The following LEPR variants were observed in gnomAD, a reference collection of about 807,000 sequenced individuals.
LEPR encodes the protein OB receptor.
Under a neutral mutation model 114.7 loss-of-function variants are expected in LEPR, and 56 were observed. The ratio of observed to expected loss-of-function variants is 0.49; its 90% CI spans 0.39 to 0.61. The LOEUF is 0.61. Among genes scored for constraint, LEPR ranks in the 20% least tolerant of loss-of-function variants. LEPR has a pLI of 0.00. For synonymous variants in LEPR, 443 were observed against 461.4 expected (o/e 0.96, Z 0.51); for missense variants, 1,202 against 1,352.9 (o/e 0.89, Z 1.75).
intron 1 of LEPR, 51 bp downstream of exon 1, chr1:65,420,791 G>A (rs763369619): frequency 1.9e-5 from 29 of 1,559,274 alleles, no homozygotes; most frequent in Non-Finnish European, 7.8e-6. Flanking sequence ...TGCCACCTCC[G>A]TTCCGGTCAA....
At chr1:65,609,579 A>G (rs1287309650) in intron 12 of LEPR, among the ~76,000 whole-genome samples, 1 of 152,232 alleles carries the variant, frequency 6.6e-6, no homozygotes, top group Non-Finnish European at 1.5e-5. Context: ...GCGATTTGCT[A>G]CAGTAGGTCC....
At position 65,420,701 on chromosome 1, in the gene LEPR, A is replaced by C; in HGVS notation, c.-136A>C. 1 of 1,577,284 alleles carries C rather than the reference A, an allele frequency of 6.3e-7. No individual in the cohort carries two copies. Among genetic ancestry groups the C allele is most frequent in the Non-Finnish European group, 8.6e-7 (1 of 1,163,856 alleles). The stretch of plus-strand genomic sequence containing the variant: ...CGGGCCGTGGCAGGAAGCCGGAAGC[A>C]GCCGCGGCCCCAGTTCGGGAGACAT... On this transcript the variant is annotated 5_prime_UTR_variant, in exon 1 of 20. Transcript: ENST00000349533.
At chr1:65,457,813 A>G (rs571154629) in intron 2 of LEPR, among the ~76,000 whole-genome samples, 1 of 152,284 alleles carries the variant, frequency 6.6e-6, no homozygotes, top group South Asian at 2.1e-4. Flanking sequence ...ACAGGCTACA[A>G]CAGAATCCAA....
At chr1:65,629,293 T>C (rs1239604285) in intron 19 of LEPR, 2 of 426,816 alleles carry the variant, frequency 4.7e-6, no homozygotes, top group East Asian at 8.0e-5. Context: ...CTCCCTCTAC[T>C]TTCCAATCTC....
chr1:65,423,433 A>G (rs533205331), intron 1 of LEPR, among the ~76,000 whole-genome samples: 20 of 152,332 alleles, frequency 1.3e-4, no homozygotes, highest in African/African-American at 4.6e-4. Context: ...AGAAACTGGT[A>G]TCAGAACAGA....
chr1:65,568,598 A>G (rs1172049632), intron 3 of LEPR, among the ~76,000 whole-genome samples: 4 of 151,878 alleles, frequency 2.6e-5, no homozygotes, highest in African/African-American at 4.8e-5. Flanking sequence ...GGTTGATTCC[A>G]TGACTTTGCT....
chr1:65,537,202 C>T (rs866500212), intron 2 of LEPR, among the ~76,000 whole-genome samples: 10 of 152,136 alleles, frequency 6.6e-5, no homozygotes. Context: ...TTCGTTGGCC[C>T]CTAGGACTTT....
intron 2 of LEPR, among the ~76,000 whole-genome samples, chr1:65,538,571 C>T (rs898217750): frequency 2.0e-5 from 3 of 152,178 alleles, no homozygotes; most frequent in Admixed American, 6.5e-5. Flanking sequence ...TTGTTTCTCT[C>T]GGATACTTCT....
chr1:65,613,375 G>T (rs2100980214), intron 14 of LEPR, among the ~76,000 whole-genome samples: 1 of 152,194 alleles, frequency 6.6e-6, no homozygotes, highest in Non-Finnish European at 1.5e-5. Context: ...AGGATGAAAA[G>T]TTAAGGCACA....
intron 19 of LEPR, among the ~76,000 whole-genome samples, chr1:65,631,529 G>A (rs184793870): frequency 4.5e-4 from 69 of 152,078 alleles, no homozygotes; most frequent in African/African-American, 1.7e-3. Context: ...CTTCTCATTA[G>A]CCCTCTCAGA....
At chr1:65,441,801 G>A (rs1372235508) in intron 2 of LEPR, among the ~76,000 whole-genome samples, 1 of 152,184 alleles carries the variant, frequency 6.6e-6, no homozygotes, top group Non-Finnish European at 1.5e-5. Context: ...GAGACCCTCT[G>A]GGGTGACAGC....
intron 2 of LEPR, among the ~76,000 whole-genome samples, chr1:65,533,281 T>C (rs1360874393): frequency 6.6e-6 from 1 of 152,140 alleles, no homozygotes; most frequent in East Asian, 1.9e-4. Flanking sequence ...TTCATTGTTA[T>C]AGACTCAAAA....
chr1:65,483,598 G>C (rs909770703), intron 2 of LEPR, among the ~76,000 whole-genome samples: 17 of 152,122 alleles, frequency 1.1e-4, no homozygotes, highest in Non-Finnish European at 2.4e-4. Flanking sequence ...TGCCCTACCA[G>C]GACTTGGTAT....
chr1:65,568,013 T>G (rs10158279), intron 3 of LEPR, among the ~76,000 whole-genome samples: 79,589 of 152,012 alleles, frequency 0.52, 21,507 homozygotes, highest in East Asian at 0.89. Flanking sequence ...ATCTGCAGCT[T>G]TAGAAACATA....
intron 2 of LEPR, among the ~76,000 whole-genome samples, chr1:65,455,334 A>G (rs1442433238): frequency 2.2e-4 from 33 of 152,300 alleles, no homozygotes; most frequent in South Asian, 6.2e-4. Flanking sequence ...GAAGAACTGC[A>G]TTCCTTTGGA....
At position 65,432,529 on chromosome 1, in the gene LEPR, C is replaced by T. The variant is rs1045573447; in HGVS notation, c.-21+7151C>T. 3 of 783,104 alleles carry T rather than the reference C, an allele frequency of 3.8e-6. No individual in the cohort carries two copies. The African/African-American group carries it at 5.7e-5, about 15-fold the overall frequency. The allele number at this position is 783,104 out of a possible 1,614,324, so 48.5% of individuals were successfully genotyped here. A position where few individuals can be genotyped will look rare whatever the true frequency, so the allele number is the denominator to read the frequency against. ...CTTCCTTATCTTTCCAGTGGCTAAA[C>T]CACTTAACCTCTCTGGGTGTTACCT... On this transcript the variant is annotated intron_variant, in intron 2 of 19. Transcript: ENST00000349533.
chr1:65,572,394 T>C lies in LEPR; in HGVS notation c.439T>C (p.Leu147=), dbSNP rs531272849. ...ATTATTCATCTGTTATGTGGAGTCA[T>C]TATTTAAGAATCTATTCAGGAATTA... ...LKLFICYVES[L]FKNLFRNYNY... The change falls in exon 5 of 20, where the codon TTA becomes CTA. Residue 147 remains leucine, a synonymous_variant. Coordinates refer to ENST00000349533, the MANE Select transcript of LEPR (RefSeq NM_002303.6). The C allele has an allele frequency of 3.8e-5, 61 of 1,592,824 alleles. No individual in the cohort carries two copies. In the South Asian group the frequency reaches 6.7e-4, roughly 17 times the overall value.
intron 19 of LEPR, among the ~76,000 whole-genome samples, chr1:65,626,598 C>A (rs930158051): frequency 2.0e-5 from 3 of 151,962 alleles, no homozygotes; most frequent in African/African-American, 4.8e-5. Flanking sequence ...AATTCATTAA[C>A]TTTTTTCTCT....
At position 65,438,082 on chromosome 1, in the gene LEPR, A is replaced by G. The variant is rs578005159; in HGVS notation, c.-21+12704A>G. Among the ~76,000 whole-genome samples the G allele has an allele frequency of 1.5e-4, 19 of 125,486 alleles. No homozygotes were observed. In the East Asian group the frequency reaches 4.5e-3, roughly 30 times the overall value. The allele number at this position is 125,486 out of a possible 152,430, so 82.3% of individuals were successfully genotyped here. On this transcript the variant is annotated intron_variant, in intron 2 of 19. Coordinates refer to ENST00000349533, the MANE Select transcript of LEPR (RefSeq NM_002303.6). ...TGTCTCAGCCTCCCAAAATGCTGGG[A>G]TTACTGGTATGGGCCATGGCTCCTA...
Sources: allele counts gnomAD v4.1 joint callset (sites outside exome capture counted in the v4.1 genomes callset), GRCh38; gene constraint gnomAD v4.1.1; transcripts MANE v1.5; gene names NCBI Gene and HGNC (gene_info 2026-07-23, HGNC 2026-07-21).